Variants in PCDHGA9 observed in about 807,000 individuals in gnomAD.
PCDHGA9 encodes protocadherin gamma-A9.
A neutral mutation model predicts 62.5 loss-of-function variants in PCDHGA9; 37 were observed. The observed-to-expected ratio is 0.59, with a 90% CI of 0.46 to 0.78. The LOEUF (loss-of-function observed/expected upper bound fraction) is 0.78, where lower values mean the gene tolerates loss of function less well. Ranked by LOEUF, PCDHGA9 falls within the 30% of genes least tolerant of loss-of-function variation. The probability of loss-of-function intolerance (pLI) is 0.00; values close to 1 mark genes in which losing one functional copy is unlikely to be tolerated. For synonymous variants in PCDHGA9, 459 were observed against 484.6 expected, an observed-to-expected ratio of 0.95 and a Z score of 0.69; for missense variants, 1,138 against 1,166.2, an observed-to-expected ratio of 0.98 and a Z score of 0.35.
intron 1 of PCDHGA9, among the ~76,000 whole-genome samples, chr5:141,430,322 C>G (rs1266324669): frequency 6.7e-6 from 1 of 150,364 alleles, no homozygotes; most frequent in Non-Finnish European, 1.5e-5. Flanking sequence ...AGATTAAAAT[C>G]ATTGTTTATA....
chr5:141,485,260 G>C lies in PCDHGA9; in HGVS notation c.2425-9547G>C. ...TTTACCACCTGGGTTACGTTTGTGG[G>C]CAGATCCGCTACCCGGTCCCAGAGG... is the stretch of plus-strand genomic sequence containing the variant. On this transcript the variant is annotated intron_variant, in intron 1 of 3. Transcript: ENST00000573521. The surrounding 1 kb of genome is among the most constrained non-coding windows in gnomAD (Gnocchi z 5.7). 1 of 1,614,122 alleles carries C rather than the reference G, an allele frequency of 6.2e-7. No homozygotes were observed. The highest frequency in any genetic ancestry group is 8.5e-7 in the Non-Finnish European group (1 of 1,179,966).
intron 1 of PCDHGA9, among the ~76,000 whole-genome samples, chr5:141,449,134 T>C (rs538592980): frequency 9.2e-4 from 140 of 152,242 alleles, no homozygotes; most frequent in Non-Finnish European, 1.8e-3. Context: ...AGAAATGGAA[T>C]TGAAATTGCT....
rs1478890031 is a variant in PCDHGA9, at chr5:141,478,689, C to G, written c.2425-16118C>G. On this transcript the variant is annotated intron_variant, in intron 1 of 3. Coordinates refer to ENST00000573521, the MANE Select transcript of PCDHGA9 (RefSeq NM_018921.3). Reference sequence around the variant, plus strand: ...CACTTTCAACTGGCCCTTCCTAGATCAAAGTTAGTGCCTTTGTGAGATGGT... The same window carrying G: ...CACTTTCAACTGGCCCTTCCTAGATGAAAGTTAGTGCCTTTGTGAGATGGT... 3 of 1,550,866 alleles carry G rather than the reference C, an allele frequency of 1.9e-6. No homozygotes were observed. In the African/African-American group the frequency reaches 4.1e-5, roughly 21 times the overall value.
At chr5:141,446,942 G>C (rs1252429052) in intron 1 of PCDHGA9, among the ~76,000 whole-genome samples, 1 of 152,058 alleles carries the variant, frequency 6.6e-6, no homozygotes, top group Non-Finnish European at 1.5e-5. Flanking sequence ...TTCACTGTAA[G>C]AAACATCCAG....
intron 1 of PCDHGA9, among the ~76,000 whole-genome samples, chr5:141,474,672 T>C (rs1203448521): frequency 2.0e-5 from 3 of 152,228 alleles, no homozygotes; most frequent in Non-Finnish European, 4.4e-5. Flanking sequence ...ACCTAACCTA[T>C]GTGCCTACCC....
intron 1 of PCDHGA9, chr5:141,478,899 T>A (rs905349011): frequency 9.7e-7 from 1 of 1,027,124 alleles, no homozygotes; most frequent in African/African-American, 1.6e-5. Context: ...ACATTAGGAA[T>A]AAGCTGCTGG....
rs1054594374 is a variant in PCDHGA9 at position 141,489,607 on chromosome 5, A to G, written c.2425-5200A>G. On this transcript the variant is annotated intron_variant, in intron 1 of 3. Coordinates refer to ENST00000573521, the MANE Select transcript of PCDHGA9 (RefSeq NM_018921.3). This position sits in a 1 kb window ranked among gnomAD's most constrained non-coding sequence, Gnocchi z 4.5. ...GGAGCTAATCCGTGTAGAGGTAGAG[A>G]TCCTGGATCTCAATGACAACTCTCC... The G allele has an allele frequency of 6.2e-6, 10 of 1,613,850 alleles. No homozygotes were observed. The highest frequency in any genetic ancestry group is 8.5e-6 in the Non-Finnish European group (10 of 1,179,956).
At chr5:141,430,584 G>A (rs1451886397) in intron 1 of PCDHGA9, 3 of 495,136 alleles carry the variant, frequency 6.1e-6, no homozygotes, top group African/African-American at 5.9e-5. Flanking sequence ...GATCCTGCTC[G>A]CCTTGCACGC....
At chr5:141,505,352 C>CG in intron 2 of PCDHGA9, 41 bp from the exon 3 acceptor site, 1 of 1,613,302 alleles carries the variant, frequency 6.2e-7, no homozygotes, top group East Asian at 2.2e-5. Context: ...TGAGCTGTGC[C>CG]GGCCTGGGAG....
At chr5:141,475,778 T>A (rs1204790631) in intron 1 of PCDHGA9, among the ~76,000 whole-genome samples, 1 of 152,400 alleles carries the variant, frequency 6.6e-6, no homozygotes. Context: ...GCGCTTTGGC[T>A]GGAAACTCTG....
chr5:141,418,123 C>A (rs1049456676), intron 1 of PCDHGA9: 8 of 1,613,914 alleles, frequency 5.0e-6, no homozygotes, highest in Admixed American at 3.3e-5. Flanking sequence ...TTGTGAAGGA[C>A]CGAATAGACC....
At chr5:141,498,429 G>T (rs1595525351) in intron 2 of PCDHGA9, among the ~76,000 whole-genome samples, 1 of 152,290 alleles carries the variant, frequency 6.6e-6, no homozygotes, top group East Asian at 1.9e-4. Flanking sequence ...GGAGTGAGGG[G>T]ATGAAGAGGA....
chr5:141,430,924 G>A (rs1217400258), intron 1 of PCDHGA9: 1 of 1,607,462 alleles, frequency 6.2e-7, no homozygotes, highest in Admixed American at 1.7e-5. Context: ...TGGGGCTGGA[G>A]CCCCGGGAGC....
At chr5:141,508,830 C>G (rs1320903059) in intron 3 of PCDHGA9, among the ~76,000 whole-genome samples, 2 of 152,150 alleles carry the variant, frequency 1.3e-5, no homozygotes, top group Non-Finnish European at 2.9e-5. Flanking sequence ...CTGGGCCCCC[C>G]TCCCCTACCC....
rs1301800438 is a variant in PCDHGA9, at chr5:141,432,966, C to T, written c.2424+27590C>T. ...TCAGGAGGCGGCTTGACAGGAGCGC[C>T]GGCGTCGCACTTTGTGGGCGTGGAC... On this transcript the variant is annotated intron_variant, in intron 1 of 3. Coordinates refer to ENST00000573521, the MANE Select transcript of PCDHGA9 (RefSeq NM_018921.3). This position sits in a 1 kb window ranked among gnomAD's most constrained non-coding sequence, Gnocchi z 6.0. 1.2e-6 allele frequency: 2 copies of T among 1,614,066 alleles called. No homozygotes were observed. The highest frequency in any genetic ancestry group is 8.5e-7 in the Non-Finnish European group (1 of 1,180,052).
At chr5:141,453,482 A>T (rs979979155) in intron 1 of PCDHGA9, among the ~76,000 whole-genome samples, 1 of 151,990 alleles carries the variant, frequency 6.6e-6, no homozygotes, top group Non-Finnish European at 1.5e-5. Context: ...CAAAACTATT[A>T]AAAAAAGGTG....
rs763459005 is a variant in PCDHGA9 at position 141,403,208 on chromosome 5, A to T, written c.256A>T (p.Thr86Ser). The change falls in exon 1 of 4, where the codon ACC (threonine) becomes TCC (serine). Residue 86 changes from threonine to serine, a missense_variant. By Grantham distance (58) the Thr-to-Ser change is moderately conservative (BLOSUM62 1). Coordinates refer to ENST00000573521, the MANE Select transcript of PCDHGA9 (RefSeq NM_018921.3). ...GAACCCGCGCAGCGGCACCTTGGTC[A>T]CCGCGGGTAGGATAGACCGGGAGGA... Reference protein sequence around the residue: ...SLNPRSGTLVTAGRIDREELC... With the variant: ...SLNPRSGTLVSAGRIDREELC... 1.2e-6 allele frequency: 2 copies of T among 1,613,962 alleles called. No individual in the cohort carries two copies. Among genetic ancestry groups the T allele is most frequent in the Non-Finnish European group, 1.7e-6 (2 of 1,179,924 alleles).
chr5:141,450,490 T>C (rs1480357834), intron 1 of PCDHGA9, among the ~76,000 whole-genome samples: 1 of 152,164 alleles, frequency 6.6e-6, no homozygotes, highest in Non-Finnish European at 1.5e-5. Context: ...TTTGTTTGTC[T>C]GTTTGTTTGT....
intron 1 of PCDHGA9, chr5:141,424,584 C>T (rs919265310): frequency 3.9e-5 from 6 of 152,082 alleles, no homozygotes; most frequent in African/African-American, 1.4e-4. Flanking sequence ...TTCAAATGTG[C>T]TAAAGATGTC....
Sources: gnomAD v4.1 joint callset for allele counts (sites outside exome capture counted in the v4.1 genomes callset) on GRCh38, gnomAD v4.1.1 for gene constraint, Gnocchi (gnomAD v3.1) non-coding constraint, MANE v1.5 for transcripts, NCBI Gene and HGNC (gene_info 2026-07-23, HGNC 2026-07-21) for gene names.